Variants in DGKI observed in about 807,000 individuals in gnomAD.
The protein encoded by DGKI is DAG kinase iota.
In DGKI, 55 loss-of-function variants were observed where a neutral mutation model predicts 147.5. The observed-to-expected ratio is 0.37, with a 90% CI of 0.30 to 0.47. The LOEUF (loss-of-function observed/expected upper bound fraction) is 0.47, where lower values mean the gene tolerates loss of function less well. Among genes scored for constraint, DGKI ranks in the 20% least tolerant of loss-of-function variants. DGKI has a pLI of 1.00. For missense variants in DGKI, 1,007 were observed against 1,323.8 expected (o/e 0.76, Z 3.71); for synonymous variants, 469 against 477.1 (o/e 0.98, Z 0.22).
chr7:137,730,558 A>T (rs1465052382), intron 1 of DGKI, among the ~76,000 whole-genome samples: 2 of 152,040 alleles, frequency 1.3e-5, no homozygotes, highest in Non-Finnish European at 2.9e-5. Context: ...CTCTGCTTTA[A>T]ACTCCATCAA....
chr7:137,445,531 C>T (rs1426883953), intron 27 of DGKI, among the ~76,000 whole-genome samples: 1 of 152,172 alleles, frequency 6.6e-6, no homozygotes, highest in African/African-American at 2.4e-5. Flanking sequence ...TTATCATCCA[C>T]ATACCAGCCT....
At chr7:137,669,144 G>A (rs1336845995) in intron 3 of DGKI, among the ~76,000 whole-genome samples, 6 of 152,224 alleles carry the variant, frequency 3.9e-5, no homozygotes, top group East Asian at 1.9e-4. Flanking sequence ...AAGCTCACAC[G>A]CTTCATCAAC....
intron 6 of DGKI, among the ~76,000 whole-genome samples, chr7:137,628,767 C>G (rs540759046): frequency 6.6e-6 from 1 of 152,134 alleles, no homozygotes; most frequent in African/African-American, 2.4e-5. Flanking sequence ...TCAAATTGAG[C>G]CTTTGGAATA....
intron 1 of DGKI, among the ~76,000 whole-genome samples, chr7:137,692,567 T>C (rs1025337762): frequency 6.6e-6 from 1 of 152,188 alleles, no homozygotes; most frequent in Non-Finnish European, 1.5e-5. Context: ...ACTTGTAGAC[T>C]CTGACCGCCA....
At chr7:137,768,321 G>A (rs1796078888) in intron 1 of DGKI, among the ~76,000 whole-genome samples, 1 of 152,188 alleles carries the variant, frequency 6.6e-6, no homozygotes. Context: ...AGAAGGATAA[G>A]CTAGAGAAAT....
At chr7:137,837,222 G>A (rs931594940) in intron 1 of DGKI, among the ~76,000 whole-genome samples, 1 of 152,200 alleles carries the variant, frequency 6.6e-6, no homozygotes, top group Admixed American at 6.5e-5. Context: ...AGCAGCTCTT[G>A]ACACAGTGTA....
chr7:137,531,752 C>T (rs937836568), intron 20 of DGKI, among the ~76,000 whole-genome samples: 5 of 152,134 alleles, frequency 3.3e-5, no homozygotes, highest in African/African-American at 9.7e-5. Flanking sequence ...AATTCACTTT[C>T]GTTGCTAAAA....
intron 1 of DGKI, among the ~76,000 whole-genome samples, chr7:137,693,898 C>T (rs571833944): frequency 5.9e-5 from 9 of 152,306 alleles, no homozygotes; most frequent in East Asian, 3.9e-4. Context: ...AACATCAAAA[C>T]GGCTTTGTGT....
rs568251814 is a variant in DGKI at position 137,409,147 on chromosome 7, G to T, written c.2800-1152C>A. ...TAAAGAAATGATAAATGTGTGAGGT[G>T]GTGGATATGCTAATTACCCTGATCT... On this transcript the variant is annotated intron_variant, in intron 29 of 32. Transcript: ENST00000614521. Among the ~76,000 whole-genome samples the T allele has an allele frequency of 2.6e-5, 4 of 152,210 alleles. No homozygotes were observed. In the East Asian group the frequency reaches 5.8e-4, roughly 22 times the overall value.
chr7:137,465,222 G>A (rs903562173), intron 26 of DGKI, among the ~76,000 whole-genome samples: 8 of 152,174 alleles, frequency 5.3e-5, no homozygotes, highest in African/African-American at 7.2e-5. Context: ...AAGGATAATT[G>A]TACCAAATTT....
At position 137,604,207 on chromosome 7, in the gene DGKI, C is replaced by T. The variant is rs545758987; in HGVS notation, c.1168-4302G>A. ...GAGGCTGCATTTTGACAAGTGTCCTCGTCTACTGACTTCCCTCTGCCCTCT... is the reference window on the plus strand; with the variant it reads ...GAGGCTGCATTTTGACAAGTGTCCTTGTCTACTGACTTCCCTCTGCCCTCT... On this transcript the variant is annotated intron_variant, in intron 10 of 32. Transcript: ENST00000614521. 3.3e-5 allele frequency among the ~76,000 whole-genome samples: 5 copies of T among 152,270 alleles called. No individual in the cohort carries two copies. The South Asian group carries it at 1.0e-3, about 32-fold the overall frequency.
chr7:137,776,278 A>G (rs1796358254), intron 1 of DGKI, among the ~76,000 whole-genome samples: 1 of 152,238 alleles, frequency 6.6e-6, no homozygotes. Context: ...TCACTTAACT[A>G]CCGACAGCTG....
intron 27 of DGKI, among the ~76,000 whole-genome samples, chr7:137,459,359 T>C (rs1402355667): frequency 1.3e-5 from 2 of 152,042 alleles, no homozygotes; most frequent in African/African-American, 2.4e-5. Context: ...GGAGGAAGAA[T>C]GATATGGGGA....
intron 23 of DGKI, among the ~76,000 whole-genome samples, chr7:137,479,938 T>C (rs1184470778): frequency 1.3e-5 from 2 of 152,150 alleles, no homozygotes. Context: ...TATTTTAATA[T>C]CTTAAAACCC....
intron 1 of DGKI, among the ~76,000 whole-genome samples, chr7:137,812,054 G>A (rs576105146): frequency 1.0e-3 from 154 of 152,268 alleles, no homozygotes; most frequent in African/African-American, 3.6e-3. Flanking sequence ...GGGAAGTTGC[G>A]TAGCTTGCTC....
At chr7:137,523,378 A>G (rs1272837398) in intron 20 of DGKI, among the ~76,000 whole-genome samples, 25 of 152,132 alleles carry the variant, frequency 1.6e-4, no homozygotes. Context: ...TAGCACATAC[A>G]TATCAAACTA....
chr7:137,729,878 AGGG>A (rs1794820539), intron 1 of DGKI, among the ~76,000 whole-genome samples: 1 of 152,078 alleles, frequency 6.6e-6, no homozygotes, highest in Admixed American at 6.6e-5. Flanking sequence ...TACTAAAATC[AGGG>A]GTGGAAAAGA....
chr7:137,578,483 A>G (rs958333621), intron 15 of DGKI, among the ~76,000 whole-genome samples, 158 bp from the exon 16 acceptor site: 2 of 152,190 alleles, frequency 1.3e-5, no homozygotes, highest in African/African-American at 4.8e-5. Flanking sequence ...GCCAGTTAGT[A>G]CAGTAGCCCA....
chr7:137,574,392 A>C (rs1450777478), intron 17 of DGKI, among the ~76,000 whole-genome samples: 1 of 152,246 alleles, frequency 6.6e-6, no homozygotes, highest in Non-Finnish European at 1.5e-5. Context: ...GACATTGTAA[A>C]TGTCAAAATT....
Sources: allele counts gnomAD v4.1 joint callset (sites outside exome capture counted in the v4.1 genomes callset), GRCh38; gene constraint gnomAD v4.1.1; transcripts MANE v1.5; gene names NCBI Gene and HGNC (gene_info 2026-07-23, HGNC 2026-07-21).